Variants in DOCK2 observed in about 807,000 individuals in gnomAD.
DOCK2 encodes dedicator of cytokinesis protein 2.
A neutral mutation model predicts 248.9 loss-of-function variants in DOCK2; 87 were observed. That is an observed-to-expected ratio of 0.35 (90% confidence interval 0.29 to 0.42). DOCK2 has a LOEUF of 0.42. Among genes scored for constraint, DOCK2 ranks in the 10% least tolerant of loss-of-function variants. The pLI, the probability that DOCK2 is intolerant of heterozygous loss-of-function variation, is 1.00. For missense variants in DOCK2, 1,747 were observed against 2,300.2 expected (o/e 0.76, Z 4.92); for synonymous variants, 805 against 821.6 (o/e 0.98, Z 0.35).
At chr5:169,945,130 C>G (rs1490772780) in intron 27 of DOCK2, among the ~76,000 whole-genome samples, 1 of 152,114 alleles carries the variant, frequency 6.6e-6, no homozygotes, top group Non-Finnish European at 1.5e-5. Context: ...TTCTCTTGGC[C>G]CCAGAAGAAT....
At chr5:169,904,454 G>C (rs1010296164) in intron 27 of DOCK2, among the ~76,000 whole-genome samples, 1 of 152,088 alleles carries the variant, frequency 6.6e-6, no homozygotes, top group Non-Finnish European at 1.5e-5. Flanking sequence ...CTCACTTCTG[G>C]GCAGCTTCCC....
rs1393538841 is a variant in DOCK2, at chr5:170,034,302, T to C, written c.3468-97T>C. ...GAGCAGTCAGGGAACTTGGGTTGAC[T>C]GACTGATTTTGCATGTGCTCCATCC... On this transcript the variant is annotated intron_variant, in intron 34 of 51. Coordinates refer to ENST00000520908, the MANE Select transcript of DOCK2 (RefSeq NM_004946.3). 14 of 1,485,660 alleles carry C rather than the reference T, an allele frequency of 9.4e-6. No homozygotes were observed. In the South Asian group the frequency reaches 1.8e-4, roughly 19 times the overall value. 92.0% of individuals were successfully genotyped at this position (1,485,660 alleles called of 1,614,324 possible).
chr5:169,890,099 C>T (rs189784991), intron 27 of DOCK2, among the ~76,000 whole-genome samples: 8 of 152,336 alleles, frequency 5.3e-5, no homozygotes, highest in Admixed American at 5.2e-4. Context: ...ATGACTTGTC[C>T]TAAGTCACAG....
chr5:169,840,938 C>T (rs1376564866), intron 27 of DOCK2, 86 bp downstream of exon 27: 2 of 1,387,454 alleles, frequency 1.4e-6, no homozygotes, highest in African/African-American at 1.4e-5. Flanking sequence ...TCACATTGAA[C>T]TCCCAGCATT....
intron 27 of DOCK2, among the ~76,000 whole-genome samples, chr5:169,903,985 G>C (rs774578923): frequency 1.3e-5 from 2 of 151,806 alleles, no homozygotes; most frequent in Non-Finnish European, 2.9e-5. Context: ...CCAGTTACTC[G>C]GGAGGGCTGA....
intron 27 of DOCK2, among the ~76,000 whole-genome samples, chr5:169,894,565 G>C (rs1025722819): frequency 1.3e-5 from 2 of 150,284 alleles, no homozygotes; most frequent in African/African-American, 2.4e-5. Context: ...GGAAGAGAAG[G>C]GGGGAAGTTT....
At chr5:169,724,202 G>C (rs992970326) in intron 22 of DOCK2, among the ~76,000 whole-genome samples, 1 of 152,194 alleles carries the variant, frequency 6.6e-6, no homozygotes, top group Non-Finnish European at 1.5e-5. Flanking sequence ...GACATTAGGG[G>C]CTGCTGAGAG....
chr5:169,639,174 T>A (rs1265186788), intron 1 of DOCK2, among the ~76,000 whole-genome samples: 1 of 152,152 alleles, frequency 6.6e-6, no homozygotes, highest in Non-Finnish European at 1.5e-5. Context: ...GAATTGGACT[T>A]AGAATAGAAG....
intron 22 of DOCK2, among the ~76,000 whole-genome samples, chr5:169,726,948 T>C (rs940407788): frequency 1.3e-5 from 2 of 151,604 alleles, no homozygotes; most frequent in Non-Finnish European, 1.5e-5. Context: ...GCTAGCCAGG[T>C]GCGGTGGCTA....
chr5:169,765,358 G>T (rs1374200140), intron 25 of DOCK2, among the ~76,000 whole-genome samples: 1 of 152,160 alleles, frequency 6.6e-6, no homozygotes, highest in Admixed American at 6.5e-5. Flanking sequence ...GCTCCCTGTG[G>T]ATGACTTCAG....
intron 2 of DOCK2, among the ~76,000 whole-genome samples, chr5:169,659,671 GGCCATGCTAA>G (rs2113217040): frequency 6.6e-6 from 1 of 152,278 alleles, no homozygotes; most frequent in South Asian, 2.1e-4. Context: ...ACTCATGCTA[GGCCATGCTAA>G]GCCTTAGACA....
chr5:170,011,410 T>C (rs1374712012), intron 32 of DOCK2, among the ~76,000 whole-genome samples: 1 of 152,152 alleles, frequency 6.6e-6, no homozygotes, highest in East Asian at 1.9e-4. Context: ...CATCACAGAC[T>C]CCCTGCTGTT....
At position 169,698,460 on chromosome 5, in the gene DOCK2, T is replaced by G; in HGVS notation, c.1055+11T>G. On this transcript the variant is annotated intron_variant, in intron 11 of 51. Coordinates refer to ENST00000520908, the MANE Select transcript of DOCK2 (RefSeq NM_004946.3). ...CATTCCTTTTCACCCGTAAGACATTTCCCATTTCTTTCCATTCTCTTCAAC... is the reference window on the plus strand; with the variant it reads ...CATTCCTTTTCACCCGTAAGACATTGCCCATTTCTTTCCATTCTCTTCAAC... 1 of 1,613,760 alleles carries G rather than the reference T, an allele frequency of 6.2e-7. No homozygotes were observed. Among genetic ancestry groups the G allele is most frequent in the Non-Finnish European group, 8.5e-7 (1 of 1,179,674 alleles).
intron 35 of DOCK2, among the ~76,000 whole-genome samples, chr5:170,034,959 G>T (rs1756271929): frequency 6.6e-6 from 1 of 152,188 alleles, no homozygotes; most frequent in Non-Finnish European, 1.5e-5. Flanking sequence ...ATTACATGGA[G>T]AAAATAATGG....
intron 33 of DOCK2, among the ~76,000 whole-genome samples, chr5:170,024,481 G>T (rs1156550294): frequency 6.8e-6 from 1 of 148,024 alleles, no homozygotes; most frequent in African/African-American, 2.5e-5. Context: ...CTGTTGTAAA[G>T]ATTAAATGAG....
intron 1 of DOCK2, among the ~76,000 whole-genome samples, chr5:169,645,830 C>T (rs1191374210): frequency 6.6e-6 from 1 of 152,166 alleles, no homozygotes; most frequent in Non-Finnish European, 1.5e-5. Context: ...TCACTGCAAG[C>T]TCCACCTCCT....
intron 22 of DOCK2, among the ~76,000 whole-genome samples, chr5:169,732,428 A>G (rs939065059): frequency 1.3e-5 from 2 of 152,160 alleles, no homozygotes; most frequent in African/African-American, 4.8e-5. Flanking sequence ...TGCAGGTAAC[A>G]CAGAAATCCA....
intron 1 of DOCK2, among the ~76,000 whole-genome samples, chr5:169,645,032 C>A (rs888921094): frequency 1.3e-5 from 2 of 152,148 alleles, no homozygotes; most frequent in Non-Finnish European, 2.9e-5. Flanking sequence ...TTTTCTTTAT[C>A]CAATCTATCA....
At chr5:169,929,577 C>G (rs1208779525) in intron 27 of DOCK2, among the ~76,000 whole-genome samples, 1 of 151,394 alleles carries the variant, frequency 6.6e-6, no homozygotes, top group Non-Finnish European at 1.5e-5. Flanking sequence ...TCTCTAACAA[C>G]AACAACAACA....
Sources: gnomAD v4.1 joint callset for allele counts (sites outside exome capture counted in the v4.1 genomes callset) on GRCh38, gnomAD v4.1.1 for gene constraint, MANE v1.5 for transcripts, NCBI Gene and HGNC (gene_info 2026-07-23, HGNC 2026-07-21) for gene names.